The following FOCAD variants were observed in gnomAD, a reference collection of about 807,000 sequenced individuals.
The protein encoded by FOCAD is focadhesin, also known as KIAA1797.
In FOCAD, 198 loss-of-function variants were observed where a neutral mutation model predicts 225.6. The ratio of observed to expected loss-of-function variants is 0.88; its 90% CI spans 0.78 to 0.99. The LOEUF (loss-of-function observed/expected upper bound fraction) is 0.99. Ranked by LOEUF, FOCAD falls within the 50% of genes least tolerant of loss-of-function variation. FOCAD has a pLI of 0.00. For missense variants in FOCAD, 2,713 were observed against 2,123.6 expected (o/e 1.28, Z -5.46); for synonymous variants, 897 against 755.0 (o/e 1.19, Z -3.08).
chr9:20,744,444 T>G (rs1360718337), intron 5 of FOCAD, among the ~76,000 whole-genome samples: 2 of 152,214 alleles, frequency 1.3e-5, no homozygotes, highest in Non-Finnish European at 2.9e-5. Flanking sequence ...AGATTAGGCA[T>G]AGATATTTAA....
intron 5 of FOCAD, among the ~76,000 whole-genome samples, chr9:20,754,905 G>A (rs143878702): frequency 4.1e-4 from 62 of 152,280 alleles, no homozygotes; most frequent in East Asian, 3.3e-3. Context: ...ATTATATTAC[G>A]TGAGCCTAAG....
rs138655214 is a variant in FOCAD at position 20,730,413 on chromosome 9, A to G, written c.288-9823A>G. ...CTTTTATTTACTAAATTCCAAAATA[A>G]TGATTTTTTAAAGCATCCTTTCAGT... is the stretch of plus-strand genomic sequence containing the variant. On this transcript the variant is annotated intron_variant, in intron 4 of 43. Transcript: ENST00000338382. 5.6e-4 allele frequency among the ~76,000 whole-genome samples: 85 copies of G among 152,284 alleles called. 1 individual carries two copies. In the East Asian group the frequency reaches 0.014, roughly 26 times the overall value.
At chr9:20,878,393 A>G (rs1477286498) in intron 19 of FOCAD, among the ~76,000 whole-genome samples, 7 of 152,130 alleles carry the variant, frequency 4.6e-5, no homozygotes, top group African/African-American at 1.7e-4. Flanking sequence ...GTGAGTATAT[A>G]TTCTCCATCT....
chr9:20,826,246 A>T (rs1429639185), intron 15 of FOCAD, among the ~76,000 whole-genome samples: 1 of 152,064 alleles, frequency 6.6e-6, no homozygotes, highest in Non-Finnish European at 1.5e-5. Context: ...GGAGTGTAGC[A>T]TTTATTCAGC....
At chr9:20,765,623 T>G (rs1829988875) in intron 7 of FOCAD, among the ~76,000 whole-genome samples, 1 of 152,158 alleles carries the variant, frequency 6.6e-6, no homozygotes, top group Non-Finnish European at 1.5e-5. Flanking sequence ...TGTACATATA[T>G]TCTTACAATT....
Position 20,715,322 on chromosome 9 carries a change from A to C in FOCAD, c.-32A>C, listed in dbSNP as rs968356099. 6.9e-7 allele frequency: 1 copy of C among 1,457,046 alleles called. No individual in the cohort carries two copies. Among genetic ancestry groups the C allele is most frequent in the Non-Finnish European group, 9.2e-7 (1 of 1,086,822 alleles). The allele number at this position is 1,457,046 out of a possible 1,614,324, so 90.3% of individuals were successfully genotyped here. A position where few individuals can be genotyped will look rare whatever the true frequency, so the allele number is the denominator to read the frequency against. On this transcript the variant is annotated splice_region_variant and 5_prime_UTR_variant, in exon 2 of 44. Coordinates refer to ENST00000338382, the MANE Select transcript of FOCAD (RefSeq NM_001375567.1). ...AAATATTCTTTTGTTTTGGTTACAG[A>C]AGCTGCACACATACATGTAAGAGAA...
At chr9:20,750,353 A>G (rs1224887783) in intron 5 of FOCAD, among the ~76,000 whole-genome samples, 1 of 152,178 alleles carries the variant, frequency 6.6e-6, no homozygotes, top group Admixed American at 6.6e-5. Flanking sequence ...TAATAAACAA[A>G]CCTATCTTGA....
At chr9:20,708,606 C>T (rs943993844) in intron 1 of FOCAD, among the ~76,000 whole-genome samples, 2 of 151,654 alleles carry the variant, frequency 1.3e-5, no homozygotes, top group African/African-American at 4.8e-5. Context: ...CCCGTTGCTA[C>T]AAAAAATTTT....
At chr9:20,879,601 G>T (rs866809352) in intron 19 of FOCAD, among the ~76,000 whole-genome samples, 1 of 152,134 alleles carries the variant, frequency 6.6e-6, no homozygotes, top group African/African-American at 2.4e-5. Flanking sequence ...GTTGTTTTGA[G>T]AATTTATGTC....
chr9:20,917,487 C>T (rs1201005593), intron 24 of FOCAD, among the ~76,000 whole-genome samples: 1 of 152,166 alleles, frequency 6.6e-6, no homozygotes, highest in Admixed American at 6.5e-5. Flanking sequence ...CTTAAGCCAG[C>T]TCTCACTAAA....
intron 15 of FOCAD, among the ~76,000 whole-genome samples, chr9:20,837,180 C>G (rs944444459): frequency 7.2e-5 from 11 of 151,980 alleles, no homozygotes; most frequent in Admixed American, 3.3e-4. Context: ...TTTTGTGTCT[C>G]AAGGCTTTTT....
At chr9:20,890,543 C>G (rs566952286) in intron 21 of FOCAD, among the ~76,000 whole-genome samples, 1 of 151,842 alleles carries the variant, frequency 6.6e-6, no homozygotes, top group Non-Finnish European at 1.5e-5. Context: ...TGATCATAGC[C>G]TATTTATATA....
At chr9:20,760,834 G>T (rs999564496) in intron 6 of FOCAD, among the ~76,000 whole-genome samples, 3 of 152,106 alleles carry the variant, frequency 2.0e-5, no homozygotes, top group Non-Finnish European at 4.4e-5. Context: ...TTTAAATGAG[G>T]TTGCAGTGAG....
chr9:20,988,253 T>TTA, intron 40 of FOCAD, 79 bp from the exon 41 acceptor site: 2 of 834,238 alleles, frequency 2.4e-6, no homozygotes, highest in Non-Finnish European at 3.9e-6. Flanking sequence ...TCTGCTTTAG[T>TTA]TATGATGGTT....
intron 21 of FOCAD, among the ~76,000 whole-genome samples, chr9:20,893,461 T>A (rs1370523346): frequency 6.6e-6 from 1 of 152,140 alleles, no homozygotes; most frequent in African/African-American, 2.4e-5. Context: ...ATAAATCTAA[T>A]GATTGCGGTG....
chr9:20,771,202 G>C (rs1463970488), intron 8 of FOCAD, among the ~76,000 whole-genome samples: 3 of 152,194 alleles, frequency 2.0e-5, no homozygotes. Flanking sequence ...AAAAACAAGA[G>C]GATGTTGGGT....
intron 1 of FOCAD, among the ~76,000 whole-genome samples, chr9:20,702,542 C>T (rs984646201): frequency 5.3e-5 from 8 of 152,206 alleles, no homozygotes; most frequent in Non-Finnish European, 8.8e-5. Context: ...ATTTTGACCT[C>T]TCCTTTCCTC....
At chr9:20,853,209 A>G (rs1827842307) in intron 15 of FOCAD, among the ~76,000 whole-genome samples, 1 of 151,770 alleles carries the variant, frequency 6.6e-6, no homozygotes, top group African/African-American at 2.4e-5. Flanking sequence ...CTGCAGAGAA[A>G]TCAATGGAAT....
chr9:20,714,638 T>TGCCTGGCTGCCTG (rs1563905518), intron 1 of FOCAD, among the ~76,000 whole-genome samples: 1 of 55,264 alleles, frequency 1.8e-5, no homozygotes, highest in African/African-American at 6.9e-5. Context: ...CTGCCTGCCT[T>TGCCTGGCTGCCTG]CCTTCCTTCC....
Sources: gnomAD v4.1 joint callset for allele counts (sites outside exome capture counted in the v4.1 genomes callset) on GRCh38, gnomAD v4.1.1 for gene constraint, MANE v1.5 for transcripts, NCBI Gene and HGNC (gene_info 2026-07-23, HGNC 2026-07-21) for gene names.